Variants in PDE4D observed in about 807,000 individuals in gnomAD.
PDE4D encodes the protein 3',5'-cyclic-AMP phosphodiesterase 4D.
A neutral mutation model predicts 87.4 loss-of-function variants in PDE4D; 24 were observed. The observed-to-expected ratio is 0.27, with a 90% CI of 0.20 to 0.39. The LOEUF (loss-of-function observed/expected upper bound fraction) is 0.39, where lower values mean the gene tolerates loss of function less well. Among genes scored for constraint, PDE4D ranks in the 10% least tolerant of loss-of-function variants. The pLI is 1.00. For synonymous variants in PDE4D, 384 were observed against 383.2 expected, an observed-to-expected ratio of 1.00 and a Z score of -0.02; for missense variants, 714 against 1,041.0, an observed-to-expected ratio of 0.69 and a Z score of 4.32.
At chr5:59,469,932 C>CCTT (rs1802192937) in intron 1 of PDE4D, among the ~76,000 whole-genome samples, 7 of 152,108 alleles carry the variant, frequency 4.6e-5, no homozygotes, top group Non-Finnish European at 8.8e-5. Flanking sequence ...CACAAAAAGG[C>CCTT]ATTGTGCTTC....
chr5:60,366,832 A>T (rs1425358501), intron 1 of PDE4D, among the ~76,000 whole-genome samples: 2 of 152,260 alleles, frequency 1.3e-5, no homozygotes, highest in Non-Finnish European at 2.9e-5. Context: ...CATGAAATTC[A>T]ACCAGGAGAT....
At chr5:59,250,279 C>T (rs1014436734) in intron 1 of PDE4D, among the ~76,000 whole-genome samples, 1 of 150,282 alleles carries the variant, frequency 6.7e-6, no homozygotes, top group Non-Finnish European at 1.5e-5. Flanking sequence ...TTGTTTGAAT[C>T]CAGCTTGGGC....
At chr5:59,164,675 A>T (rs1781635912) in intron 5 of PDE4D, among the ~76,000 whole-genome samples, 1 of 152,292 alleles carries the variant, frequency 6.6e-6, no homozygotes, top group African/African-American at 2.4e-5. Flanking sequence ...ATGATTTAAT[A>T]AACTTATTCT....
chr5:60,356,145 G>T (rs1278900119), intron 1 of PDE4D, among the ~76,000 whole-genome samples: 1 of 152,134 alleles, frequency 6.6e-6, no homozygotes, highest in African/African-American at 2.4e-5. Flanking sequence ...CCCCAGAGCC[G>T]CGTGTCAGTC....
chr5:59,084,513 G>T (rs1380648369), intron 5 of PDE4D, among the ~76,000 whole-genome samples: 1 of 118,360 alleles, frequency 8.4e-6, no homozygotes, highest in Admixed American at 9.4e-5. Flanking sequence ...AGTAAAAATA[G>T]AAATGAATAA....
At chr5:59,674,018 T>TA (rs1747653607) in intron 1 of PDE4D, among the ~76,000 whole-genome samples, 1 of 152,216 alleles carries the variant, frequency 6.6e-6, no homozygotes, top group African/African-American at 2.4e-5. Flanking sequence ...TATATTTACT[T>TA]AAAAATGCTT....
At chr5:59,857,097 A>G (rs2152724424) in intron 1 of PDE4D, among the ~76,000 whole-genome samples, 1 of 152,264 alleles carries the variant, frequency 6.6e-6, no homozygotes, top group East Asian at 1.9e-4. Context: ...GATTCATGAA[A>G]TGCCCCGCAA....
intron 2 of PDE4D, among the ~76,000 whole-genome samples, chr5:60,010,029 T>C (rs1346485348): frequency 6.6e-6 from 1 of 152,070 alleles, no homozygotes; most frequent in African/African-American, 2.4e-5. Flanking sequence ...TAATTTTAGA[T>C]AGGGATCCAT....
At chr5:59,337,332 C>CA (rs1554136234) in intron 1 of PDE4D, among the ~76,000 whole-genome samples, 3 of 146,186 alleles carry the variant, frequency 2.1e-5, no homozygotes, top group Non-Finnish European at 4.5e-5. Flanking sequence ...TTCCCCCCCC[C>CA]CCACCTTTTT....
intron 5 of PDE4D, among the ~76,000 whole-genome samples, chr5:59,043,618 C>T (rs1760077571): frequency 6.6e-6 from 1 of 152,112 alleles, no homozygotes; most frequent in Non-Finnish European, 1.5e-5. Context: ...AGGTTAGTTT[C>T]ATATGTATAC....
intron 5 of PDE4D, among the ~76,000 whole-genome samples, chr5:59,100,443 T>C (rs1770543159): frequency 6.6e-6 from 1 of 152,214 alleles, no homozygotes; most frequent in East Asian, 1.9e-4. Flanking sequence ...ATGTCAATTA[T>C]TATCCATGAA....
In PDE4D at chr5:59,494,905, TAAGAAAAAAAGC is replaced by T. The variant is rs1376073835; in HGVS notation, c.456-278949_456-278938del. Among the ~76,000 whole-genome samples, 4 of 152,142 alleles carry T rather than the reference TAAGAAAAAAAGC, an allele frequency of 2.6e-5. No individual in the cohort carries two copies. In the East Asian group the frequency reaches 7.7e-4, roughly 29 times the overall value. On this transcript the variant is annotated intron_variant, in intron 1 of 14. Transcript: ENST00000340635. Reference sequence around the variant, plus strand: ...TAAATGGATGTGTTCTATACATTTCTAAGAAAAAAAGCAAGAAAAGAAAAAGCTAGTTTTTAA... The same window carrying T: ...TAAATGGATGTGTTCTATACATTTCTAAGAAAAGAAAAAGCTAGTTTTTAA...
chr5:59,941,761 C>A (rs1237034335), intron 3 of PDE4D, among the ~76,000 whole-genome samples: 1 of 152,124 alleles, frequency 6.6e-6, no homozygotes, highest in Non-Finnish European at 1.5e-5. Flanking sequence ...ACTCTAATAT[C>A]TTCTATATTT....
chr5:59,669,492 G>A (rs1746822627), intron 1 of PDE4D, among the ~76,000 whole-genome samples: 1 of 152,144 alleles, frequency 6.6e-6, no homozygotes, highest in Non-Finnish European at 1.5e-5. Context: ...AATATTGACA[G>A]ATGAAGTGCT....
chr5:59,603,837 T>C (rs1184011976), intron 1 of PDE4D, among the ~76,000 whole-genome samples: 4 of 152,000 alleles, frequency 2.6e-5, no homozygotes, highest in African/African-American at 4.8e-5. Flanking sequence ...AAATCTATTG[T>C]ACAATATGGT....
At chr5:59,348,660 T>C (rs865860983) in intron 1 of PDE4D, among the ~76,000 whole-genome samples, 4 of 151,098 alleles carry the variant, frequency 2.6e-5, no homozygotes, top group Middle Eastern at 3.4e-3. Context: ...TACATACTTG[T>C]CCCCTTTGAA....
chr5:59,215,672 G>T, intron 2 of PDE4D, 105 bp downstream of exon 2: 1 of 919,820 alleles, frequency 1.1e-6, no homozygotes. Context: ...TTCTACATTG[G>T]AGGAGAGTGA....
At chr5:60,231,278 G>A in intron 1 of PDE4D, among the ~76,000 whole-genome samples, 1 of 151,946 alleles carries the variant, frequency 6.6e-6, no homozygotes, top group East Asian at 1.9e-4. Context: ...CATATGACCT[G>A]CATCAGTCTT....
chr5:60,457,351 G>C (rs1746552742), intron 1 of PDE4D, among the ~76,000 whole-genome samples: 1 of 152,100 alleles, frequency 6.6e-6, no homozygotes, highest in Non-Finnish European at 1.5e-5. Context: ...TTTGATTTAA[G>C]AGATAGAAGG....
Sources: allele counts gnomAD v4.1 joint callset (sites outside exome capture counted in the v4.1 genomes callset), GRCh38; gene constraint gnomAD v4.1.1; transcripts MANE v1.5; gene names NCBI Gene and HGNC (gene_info 2026-07-23, HGNC 2026-07-21).